The following ZIC5 variants were observed in gnomAD, a reference collection of about 807,000 sequenced individuals.
The protein encoded by ZIC5 is zinc finger protein ZIC 5.
In ZIC5, 20 loss-of-function variants were observed where a neutral mutation model predicts 28.5. The ratio of observed to expected loss-of-function variants is 0.70; its 90% confidence interval spans 0.49 to 1.02. ZIC5 has a LOEUF of 1.02. Among genes scored for constraint, ZIC5 ranks in the 50% least tolerant of loss-of-function variants. The pLI, the probability that ZIC5 is intolerant of heterozygous loss-of-function variation, is 0.00. For missense variants in ZIC5, 951 were observed against 899.7 expected, an observed-to-expected ratio of 1.06 and a Z score of -0.73; for synonymous variants, 488 against 410.4, an observed-to-expected ratio of 1.19 and a Z score of -2.29.
chr13:99,968,462 T>G (rs962289051), intron 1 of ZIC5, among the ~76,000 whole-genome samples: 1 of 151,840 alleles, frequency 6.6e-6, no homozygotes, highest in Non-Finnish European at 1.5e-5. Context: ...CACGCGCGCG[T>G]GCCCCGGGAA....
At position 99,970,716 on chromosome 13, in the gene ZIC5, C is replaced by CGCTGCG; in HGVS notation, c.882_887dup (p.Ala298_Ala299dup). On this transcript the variant is annotated inframe_insertion, in exon 1 of 2. Transcript: ENST00000267294. ...CTCCGTAGCCGTGCAGGGCGGCCGC[C>CGCTGCG]GCTGCGGCCGCAACCGCCCCGTAGT... 1 of 1,191,904 alleles carries CGCTGCG rather than the reference C, an allele frequency of 8.4e-7. No homozygotes were observed. Among genetic ancestry groups the CGCTGCG allele is most frequent in the Non-Finnish European group, 1.0e-6 (1 of 959,076 alleles). The allele number at this position is 1,191,904 out of a possible 1,614,324, so 73.8% of individuals were successfully genotyped here.
intron 1 of ZIC5, among the ~76,000 whole-genome samples, chr13:99,966,462 C>G (rs1244869128): frequency 1.3e-5 from 2 of 152,086 alleles, no homozygotes; most frequent in Admixed American, 6.5e-5. Flanking sequence ...ACCTGTGAAA[C>G]ATACTCCCAC....
In ZIC5 at chr13:99,963,747, C is replaced by T. The variant is rs934427705; in HGVS notation, c.*1630G>A. 5 of 146,898 alleles carry T rather than the reference C, an allele frequency of 3.4e-5. No individual in the cohort carries two copies. The highest frequency in any genetic ancestry group is 1.2e-4 in the African/African-American group (5 of 40,106). The allele number at this position is 146,898 out of a possible 1,614,324, so 9.1% of individuals were successfully genotyped here. A position where few individuals can be genotyped will look rare whatever the true frequency, so the allele number is the denominator to read the frequency against. The stretch of plus-strand genomic sequence containing the variant: ...ATATAATTCTTTGGTGTGCTTTGAA[C>T]TCTTCCAGGAAAGAAAAAAAAAAAG... On this transcript the variant is annotated 3_prime_UTR_variant, in exon 2 of 2. Transcript: ENST00000267294.
At chr13:99,969,919 C>G (rs1368001350) in intron 1 of ZIC5, among the ~76,000 whole-genome samples, 2 of 148,162 alleles carry the variant, frequency 1.3e-5, no homozygotes, top group African/African-American at 5.0e-5. Context: ...CCTGTGTGTG[C>G]TATCGAATTA....
chr13:99,970,486 A>C lies in ZIC5; in HGVS notation c.1118T>G (p.Ile373Ser). The change falls in exon 1 of 2, where the codon ATC (isoleucine) becomes AGC (serine). Residue 373 changes from isoleucine (I) to serine (S), a missense_variant. Coordinates refer to ENST00000267294, the MANE Select transcript of ZIC5 (RefSeq NM_033132.5). The stretch of plus-strand genomic sequence containing the variant: ...CTCGTCGGGGTCGATCCACTTGCAG[A>C]TGAGCTCCTGCTTGATTGGCTGCCG... ...YMRQPIKQEL[I>S]CKWIDPDELA... 3 of 1,124,156 alleles carry C rather than the reference A, an allele frequency of 2.7e-6. No homozygotes were observed. The highest frequency in any genetic ancestry group is 3.3e-6 in the Non-Finnish European group (3 of 913,006). 69.6% of individuals were successfully genotyped at this position (1,124,156 alleles called of 1,614,324 possible).
In ZIC5 at chr13:99,970,976, G is replaced by A; in HGVS notation, c.628C>T (p.Pro210Ser). The A allele has an allele frequency of 7.1e-7, 1 of 1,401,508 alleles. No homozygotes were observed. The highest frequency in any genetic ancestry group is 1.6e-5 in the South Asian group (1 of 61,500). The allele number at this position is 1,401,508 out of a possible 1,614,324, so 86.8% of individuals were successfully genotyped here. Residue 210 changes from proline (P) to serine (S), a missense_variant, in exon 1 of 2, where the codon CCT becomes TCT. By Grantham distance (74) the Pro-to-Ser change is moderately conservative. This residue lies in a region of ZIC5 where 784 missense variants were observed against 660.1 expected (regional missense o/e 1.19). Coordinates refer to ENST00000267294, the MANE Select transcript of ZIC5 (RefSeq NM_033132.5). The stretch of plus-strand genomic sequence containing the variant: ...ATGAACATGCCGGCCGAGTGGGGAG[G>A]CGGGGCCGGGTGCTGGGGGGAGCCG... The part of the protein sequence containing the change: ...GTGSPQHPAP[P>S]PHSAGMFISA...
At position 99,970,544 on chromosome 13, in the gene ZIC5, G is replaced by A. The variant is rs1183181881; in HGVS notation, c.1060C>T (p.Pro354Ser). ...QHPHQHHPHL[P>S]GAAGAFLRYM... ...CGCAGGAAGGCCCCAGCCGCCCCTG[G>A]GAGGTGGGGGTGGTGCTGGTGCGGG... Residue 354 changes from proline to serine, a missense_variant, in exon 1 of 2, where the codon CCA becomes TCA. Around this residue, in one of 3 missense-constraint regions of ZIC5, gnomAD observed 784 missense variants for 660.1 expected, o/e 1.19. Transcript: ENST00000267294. 2.7e-6 allele frequency: 3 copies of A among 1,093,928 alleles called. No individual in the cohort carries two copies. Among genetic ancestry groups the A allele is most frequent in the Non-Finnish European group, 3.3e-6 (3 of 897,906 alleles). 67.8% of individuals were successfully genotyped at this position (1,093,928 alleles called of 1,614,324 possible).
In ZIC5 at chr13:99,971,071, T is replaced by A; in HGVS notation, c.533A>T (p.Asp178Val). 7.0e-7 allele frequency: 1 copy of A among 1,425,576 alleles called. No homozygotes were observed. Among genetic ancestry groups the A allele is most frequent in the South Asian group, 1.5e-5 (1 of 67,290 alleles). 88.3% of individuals were successfully genotyped at this position (1,425,576 alleles called of 1,614,324 possible). A position where few individuals can be genotyped will look rare whatever the true frequency, so the allele number is the denominator to read the frequency against. Residue 178 changes from aspartate (D) to valine (V), a missense_variant, in exon 1 of 2, where the codon GAC becomes GTC. Around this residue, in one of 3 missense-constraint regions of ZIC5, gnomAD observed 784 missense variants for 660.1 expected, o/e 1.19. Transcript: ENST00000267294. ...GHSRDFVLRR[D>V]LSATAPAAAM... Reference sequence around the variant, plus strand: ...CGCCGCGGGGGCCGTGGCGGAAAGGTCCCTCCGGAGGACGAAGTCCCTGCT... The same window carrying A: ...CGCCGCGGGGGCCGTGGCGGAAAGGACCCTCCGGAGGACGAAGTCCCTGCT...
chr13:99,970,604 G>GC lies in ZIC5; in HGVS notation c.999_1000insG (p.Pro334AlafsTer167). On this transcript the variant is annotated frameshift_variant, in exon 1 of 2. Coordinates refer to ENST00000267294, the MANE Select transcript of ZIC5 (RefSeq NM_033132.5). LOFTEE classifies it high-confidence loss of function. ...GGCGCCGGCGGCGGCGGCGGCGCCG[G>GC]GGGCGGCGCGTGGTGCTGCAGGTGG... 1.0e-6 allele frequency: 1 copy of GC among 1,003,642 alleles called. No homozygotes were observed. Among genetic ancestry groups the GC allele is most frequent in the South Asian group, 4.5e-5 (1 of 22,376 alleles). 62.2% of individuals were successfully genotyped at this position (1,003,642 alleles called of 1,614,324 possible).
rs767771682 is a variant in ZIC5, at chr13:99,970,519, C to T, written c.1085G>A (p.Arg362His). ...CTGCTTGATTGGCTGCCGCATGTAGCGCAGGAAGGCCCCAGCCGCCCCTGG... is the reference window on the plus strand; with the variant it reads ...CTGCTTGATTGGCTGCCGCATGTAGTGCAGGAAGGCCCCAGCCGCCCCTGG... ...HLPGAAGAFL[R>H]YMRQPIKQEL... Residue 362 changes from arginine to histidine, a missense_variant, in exon 1 of 2, where the codon CGC becomes CAC. By Grantham distance (29) the Arg-to-His change is conservative. This residue lies in a region of ZIC5 where 784 missense variants were observed against 660.1 expected (regional missense o/e 1.19). Transcript: ENST00000267294. 2 of 1,124,708 alleles carry T rather than the reference C, an allele frequency of 1.8e-6. No individual in the cohort carries two copies. The highest frequency in any genetic ancestry group is 1.1e-6 in the Non-Finnish European group (1 of 911,712). The allele number at this position is 1,124,708 out of a possible 1,614,324, so 69.7% of individuals were successfully genotyped here.
chr13:99,968,029 C>G (rs954907067), intron 1 of ZIC5, among the ~76,000 whole-genome samples: 1 of 152,310 alleles, frequency 6.6e-6, no homozygotes, highest in South Asian at 2.1e-4. Context: ...CCCGAGAGAG[C>G]GCGAGTCGGG....
Position 99,971,090 on chromosome 13 carries a change from C to T in ZIC5, c.514G>A (p.Asp172Asn), listed in dbSNP as rs755764351. The T allele has an allele frequency of 1.0e-5, 15 of 1,437,960 alleles. No homozygotes were observed. In the South Asian group the frequency reaches 1.7e-4, roughly 17 times the overall value. The allele number at this position is 1,437,960 out of a possible 1,614,324, so 89.1% of individuals were successfully genotyped here. The change falls in exon 1 of 2, where the codon GAC (aspartate) becomes AAC (asparagine). Residue 172 changes from aspartate (D) to asparagine (N), a missense_variant. Physicochemically the swap from Asp to Asn is conservative, Grantham distance 23 (BLOSUM62 1). Transcript: ENST00000267294. ...GGSSGKGHSR[D>N]FVLRRDLSAT... ...GAAAGGTCCCTCCGGAGGACGAAGT[C>T]CCTGCTGTGGCCTTTGCCGCTGCTG...
At position 99,964,385 on chromosome 13, in the gene ZIC5, A is replaced by G. The variant is rs1202866798; in HGVS notation, c.*992T>C. 1.3e-5 allele frequency: 2 copies of G among 152,220 alleles called. No homozygotes were observed. The highest frequency in any genetic ancestry group is 2.1e-4 in the South Asian group (1 of 4,826). 9.4% of individuals were successfully genotyped at this position (152,220 alleles called of 1,614,324 possible). The stretch of plus-strand genomic sequence containing the variant: ...CATCATCACACCTCCTCAAGACTTG[A>G]CTGTGAATGTTGGCATCCCAAAGAA... On this transcript the variant is annotated 3_prime_UTR_variant, in exon 2 of 2. Coordinates refer to ENST00000267294, the MANE Select transcript of ZIC5 (RefSeq NM_033132.5).
intron 1 of ZIC5, among the ~76,000 whole-genome samples, chr13:99,967,568 G>A (rs1219850045): frequency 1.3e-5 from 2 of 152,164 alleles, no homozygotes; most frequent in African/African-American, 2.4e-5. Context: ...AATTACATGG[G>A]TTTACTCATC....
chr13:99,969,695 T>C (rs938505102), intron 1 of ZIC5, among the ~76,000 whole-genome samples: 5 of 146,808 alleles, frequency 3.4e-5, no homozygotes, highest in Non-Finnish European at 3.0e-5. Flanking sequence ...GAGAGGCGCT[T>C]GCCGGGGCGG....
rs2053162476 is a variant in ZIC5 at position 99,971,681 on chromosome 13, T to C, written c.-78A>G. ...CTGCCCGCCTTCAAAAACATGTATG[T>C]ATTGGGCGCTCTTTAACTTCTTTTG... On this transcript the variant is annotated 5_prime_UTR_variant, in exon 1 of 2. The change creates a new upstream start codon in the 5' untranslated region. Transcript: ENST00000267294. 1.3e-6 allele frequency: 2 copies of C among 1,553,202 alleles called. No homozygotes were observed. Among genetic ancestry groups the C allele is most frequent in the Admixed American group, 1.9e-5 (1 of 51,392 alleles).
intron 1 of ZIC5, among the ~76,000 whole-genome samples, chr13:99,969,123 G>A (rs2053125058): frequency 6.6e-6 from 1 of 152,242 alleles, no homozygotes; most frequent in Non-Finnish European, 1.5e-5. Flanking sequence ...CTCAAAGGGG[G>A]CACACGACCC....
At position 99,970,191 on chromosome 13, in the gene ZIC5, G is replaced by A. The variant is rs369156380; in HGVS notation, c.1413C>T (p.Phe471=). 4 of 1,613,166 alleles carry A rather than the reference G, an allele frequency of 2.5e-6. No individual in the cohort carries two copies. The highest frequency in any genetic ancestry group is 2.7e-5 in the African/African-American group (2 of 74,700). Residue 471 remains phenylalanine, a synonymous_variant, in exon 1 of 2, where the codon TTC becomes TTT. Coordinates refer to ENST00000267294, the MANE Select transcript of ZIC5 (RefSeq NM_033132.5). ...HTGEKPFPCP[F]PGCGKVFARS... ...GCGCGAAGACCTTGCCGCAGCCGGG[G>A]AAAGGGCAGGGAAAGGGCTTCTCGC...
rs540402762 is a variant in ZIC5 at position 99,970,124 on chromosome 13, C to T, written c.1477+3G>A. 2.5e-6 allele frequency: 4 copies of T among 1,605,744 alleles called. No homozygotes were observed. In the Admixed American group the frequency reaches 6.7e-5, roughly 27 times the overall value. On this transcript the variant is annotated splice_donor_region_variant and intron_variant, in intron 1 of 1. Transcript: ENST00000267294. ...GGCGGCGCGGCCGGGGACAGACACCCACCTGTATGAGTACGCTTGTGGATC... is the reference window on the plus strand; with the variant it reads ...GGCGGCGCGGCCGGGGACAGACACCTACCTGTATGAGTACGCTTGTGGATC...
Sources: allele counts gnomAD v4.1 joint callset (sites outside exome capture counted in the v4.1 genomes callset), GRCh38; gene constraint gnomAD v4.1.1; regional missense constraint gnomAD v4.1.1; transcripts MANE v1.5; gene names NCBI Gene and HGNC (gene_info 2026-07-23, HGNC 2026-07-21).